The following CPQ variants were observed in gnomAD, a reference collection of about 807,000 sequenced individuals.
CPQ encodes the protein carboxypeptidase Q.
CPQ carries 37 observed loss-of-function variants against 45.7 expected under a neutral mutation model. The ratio of observed to expected loss-of-function variants is 0.81; its 90% CI spans 0.62 to 1.07. CPQ has a LOEUF of 1.07. Ranked by LOEUF, CPQ falls within the 50% of genes least tolerant of loss-of-function variation. CPQ has a pLI of 0.00. For synonymous variants in CPQ, 186 were observed against 205.8 expected (o/e 0.90, Z 0.82); for missense variants, 537 against 572.9 (o/e 0.94, Z 0.64).
At chr8:96,746,114 C>T (rs2130782619) in intron 1 of CPQ, among the ~76,000 whole-genome samples, 1 of 152,218 alleles carries the variant, frequency 6.6e-6, no homozygotes, top group Non-Finnish European at 1.5e-5. Flanking sequence ...CAGGTGGGGA[C>T]TTTAATAAAA....
At chr8:96,957,428 G>A (rs1034986634) in intron 4 of CPQ, among the ~76,000 whole-genome samples, 1 of 152,134 alleles carries the variant, frequency 6.6e-6, no homozygotes, top group African/African-American at 2.4e-5. Flanking sequence ...GTTTCTTTTG[G>A]TAGGAAGCAC....
intron 1 of CPQ, among the ~76,000 whole-genome samples, chr8:96,770,720 T>C (rs534519201): frequency 7.5e-5 from 11 of 147,526 alleles, no homozygotes; most frequent in South Asian, 6.3e-4. Flanking sequence ...ATATTATATA[T>C]ATATAAAATA....
intron 4 of CPQ, among the ~76,000 whole-genome samples, chr8:96,929,671 G>C (rs1254325268): frequency 6.6e-6 from 1 of 152,140 alleles, no homozygotes; most frequent in South Asian, 2.1e-4. Context: ...TCTTTACACT[G>C]TAGAGTTTAG....
chr8:97,087,935 AG>A (rs1274307158), intron 7 of CPQ, among the ~76,000 whole-genome samples: 1 of 152,164 alleles, frequency 6.6e-6, no homozygotes, highest in Non-Finnish European at 1.5e-5. Flanking sequence ...TTGATGATAG[AG>A]AAGTGTAGGT....
In CPQ at chr8:96,799,539, T is replaced by A. The variant is rs543965184; in HGVS notation, c.433+14209T>A. ...GCTCTAGACAGCCTGTATCCACAGA[T>A]GATACTTTAAAATTGGCGGTATGGG... On this transcript the variant is annotated intron_variant, in intron 2 of 7. Coordinates refer to ENST00000220763, the MANE Select transcript of CPQ (RefSeq NM_016134.4). Among the ~76,000 whole-genome samples, 6 of 152,300 alleles carry A rather than the reference T, an allele frequency of 3.9e-5. No homozygotes were observed. The South Asian group carries it at 1.2e-3, about 32-fold the overall frequency.
intron 6 of CPQ, 45 bp downstream of exon 6, chr8:97,029,539 T>C: frequency 1.3e-6 from 2 of 1,505,500 alleles, no homozygotes; most frequent in Non-Finnish European, 1.8e-6. Flanking sequence ...ACATGTAATA[T>C]ACAAAAATCC....
intron 4 of CPQ, among the ~76,000 whole-genome samples, chr8:96,918,631 G>A (rs1039076711): frequency 3.3e-5 from 5 of 152,046 alleles, no homozygotes; most frequent in African/African-American, 1.2e-4. Flanking sequence ...AACTGAATGG[G>A]GAAGGAGACT....
At chr8:96,754,799 C>T (rs527540675) in intron 1 of CPQ, among the ~76,000 whole-genome samples, 1 of 152,040 alleles carries the variant, frequency 6.6e-6, no homozygotes, top group East Asian at 1.9e-4. Context: ...ATACTTGAAA[C>T]AGTGCATGGC....
At chr8:96,648,598 G>C (rs374409859) in intron 1 of CPQ, among the ~76,000 whole-genome samples, 16 of 152,252 alleles carry the variant, frequency 1.1e-4, no homozygotes, top group African/African-American at 3.9e-4. Context: ...TATGTGACAG[G>C]TAAAGATGAA....
chr8:97,029,016 A>G (rs950685762), intron 5 of CPQ, among the ~76,000 whole-genome samples: 1 of 152,220 alleles, frequency 6.6e-6, no homozygotes, highest in Non-Finnish European at 1.5e-5. Flanking sequence ...TTTAATTACA[A>G]TTAAGATCAT....
intron 2 of CPQ, among the ~76,000 whole-genome samples, chr8:96,827,277 T>C (rs987780555): frequency 1.3e-5 from 2 of 152,034 alleles, no homozygotes; most frequent in East Asian, 1.9e-4. Flanking sequence ...GCTGTTTTTT[T>C]CTCCAAAAAC....
chr8:96,997,751 G>T (rs958511672), intron 5 of CPQ, among the ~76,000 whole-genome samples: 1 of 151,878 alleles, frequency 6.6e-6, no homozygotes, highest in Non-Finnish European at 1.5e-5. Context: ...CCATGTGTGG[G>T]ATTCATCATT....
chr8:96,804,123 A>G (rs1317926629), intron 2 of CPQ, among the ~76,000 whole-genome samples: 1 of 152,208 alleles, frequency 6.6e-6, no homozygotes, highest in East Asian at 1.9e-4. Flanking sequence ...TTAGGACAGG[A>G]AACTAGAAGA....
intron 5 of CPQ, among the ~76,000 whole-genome samples, chr8:97,019,903 C>T (rs991152627): frequency 1.3e-5 from 2 of 151,898 alleles, no homozygotes; most frequent in African/African-American, 4.8e-5. Flanking sequence ...AACATTCTAC[C>T]CAAGAACTGC....
intron 1 of CPQ, among the ~76,000 whole-genome samples, chr8:96,700,826 T>G (rs1227871220): frequency 6.6e-6 from 1 of 152,040 alleles, no homozygotes; most frequent in Non-Finnish European, 1.5e-5. Flanking sequence ...AGAAGAACTT[T>G]CCCCCTGTCT....
Position 97,122,946 on chromosome 8 carries a change from T to TA in CPQ, c.1256-20070dup, listed in dbSNP as rs1204835812. On this transcript the variant is annotated intron_variant, in intron 7 of 7. Coordinates refer to ENST00000220763, the MANE Select transcript of CPQ (RefSeq NM_016134.4). The stretch of plus-strand genomic sequence containing the variant: ...ATAAAATAAATAAAATAAAATAAAA[T>TA]AAAATAAAATAAAATAAAATAAAAT... 3.0e-4 allele frequency among the ~76,000 whole-genome samples: 19 copies of TA among 63,728 alleles called. No individual in the cohort carries two copies. The East Asian group carries it at 3.8e-3, about 13-fold the overall frequency. The allele number at this position is 63,728 out of a possible 152,430, so 41.8% of individuals were successfully genotyped here.
chr8:96,891,901 G>T (rs1343711284), intron 4 of CPQ, among the ~76,000 whole-genome samples: 1 of 152,142 alleles, frequency 6.6e-6, no homozygotes, highest in Non-Finnish European at 1.5e-5. Flanking sequence ...TTTCTGGAGA[G>T]ATTCAGTTTA....
intron 5 of CPQ, among the ~76,000 whole-genome samples, chr8:97,010,869 T>C (rs1488042907): frequency 2.0e-5 from 3 of 152,190 alleles, no homozygotes; most frequent in Admixed American, 2.0e-4. Flanking sequence ...ACAAAATTAA[T>C]ATATTTATAT....
intron 7 of CPQ, among the ~76,000 whole-genome samples, chr8:97,133,938 G>A (rs1222851949): frequency 1.3e-5 from 2 of 152,180 alleles, no homozygotes; most frequent in Non-Finnish European, 2.9e-5. Context: ...GTGGTGAAAG[G>A]TATAAGAACA....
Sources: allele counts gnomAD v4.1 joint callset (sites outside exome capture counted in the v4.1 genomes callset), GRCh38; gene constraint gnomAD v4.1.1; transcripts MANE v1.5; gene names NCBI Gene and HGNC (gene_info 2026-07-23, HGNC 2026-07-21).